Variants in TENM1 observed in about 807,000 individuals in gnomAD.
TENM1 encodes teneurin transmembrane protein 1, also known as teneurin-1.
A neutral mutation model predicts 174.8 loss-of-function variants in TENM1; 35 were observed. The ratio of observed to expected loss-of-function variants is 0.20; its 90% confidence interval spans 0.15 to 0.27. The LOEUF is 0.27. TENM1 is among the 10% of genes least tolerant of loss of function. The pLI is 1.00. For synonymous variants in TENM1, 781 were observed against 798.7 expected (o/e 0.98, Z 0.37); for missense variants, 1,633 against 2,130.1 (o/e 0.77, Z 4.59).
the TENM1 span, among the ~76,000 whole-genome samples, chrX:125,194,899 CTATT>C: frequency 8.9e-6 from 1 of 111,923 alleles, no homozygotes. Flanking sequence ...AAATAACTGA[CTATT>C]TATAAAACTA....
chrX:124,725,290 T>C (rs2053419750), intron 4 of TENM1, among the ~76,000 whole-genome samples: 1 of 111,713 alleles, frequency 9.0e-6, no homozygotes, highest in Admixed American at 9.6e-5. Flanking sequence ...TTTATTTGTT[T>C]TGTTCTCTGT....
the TENM1 span, among the ~76,000 whole-genome samples, chrX:125,037,360 T>C: frequency 9.1e-6 from 1 of 110,367 alleles, no homozygotes; most frequent in Non-Finnish European, 1.9e-5. Flanking sequence ...ATGCAAAACA[T>C]AATAACCTTA....
intron 3 of TENM1, among the ~76,000 whole-genome samples, chrX:124,841,276 T>C (rs1300739608): frequency 6.3e-5 from 7 of 111,965 alleles, no homozygotes; most frequent in Non-Finnish European, 1.3e-4. Context: ...ACACATCATC[T>C]TTTGTCCTTT....
chrX:124,923,732 T>C (rs1346194416), intron 1 of TENM1, among the ~76,000 whole-genome samples: 2 of 112,100 alleles, frequency 1.8e-5, no homozygotes, highest in Admixed American at 9.5e-5. Context: ...AAAGAATGTA[T>C]GACGGGGAAG....
At chrX:124,397,282 T>C (rs1403441971) in intron 27 of TENM1, among the ~76,000 whole-genome samples, 2 of 112,139 alleles carry the variant, frequency 1.8e-5, no homozygotes, top group Non-Finnish European at 3.8e-5. Flanking sequence ...GTTAGAAAAA[T>C]AACATTGTAC....
the TENM1 span, among the ~76,000 whole-genome samples, chrX:125,095,149 C>T: frequency 2.0e-3 from 226 of 111,867 alleles, no homozygotes; most frequent in African/African-American, 6.7e-3. Context: ...TTTTCAGTCT[C>T]AGAACTTGAG....
chrX:124,498,507 G>T (rs979021909), intron 19 of TENM1, among the ~76,000 whole-genome samples: 2 of 110,133 alleles, frequency 1.8e-5, no homozygotes, highest in Admixed American at 9.8e-5. Context: ...CTCTCATCAT[G>T]CTTTCATCTA....
At chrX:124,735,064 G>A (rs956627098) in intron 4 of TENM1, among the ~76,000 whole-genome samples, 1 of 111,933 alleles carries the variant, frequency 8.9e-6, no homozygotes, top group African/African-American at 3.2e-5. Flanking sequence ...GACCTCAAAA[G>A]CAAATGCAAC....
At chrX:124,927,989 C>A (rs756944174) in intron 1 of TENM1, among the ~76,000 whole-genome samples, 57 of 148 alleles carry the variant, frequency 0.39, no homozygotes, top group Admixed American at 0.5. Flanking sequence ...TCAAATCTGA[C>A]AACCAGTGTC....
the TENM1 span, among the ~76,000 whole-genome samples, chrX:125,029,754 A>G: frequency 9.0e-6 from 1 of 111,725 alleles, no homozygotes; most frequent in Non-Finnish European, 1.9e-5. Flanking sequence ...GAAGGCCAAG[A>G]GGAGACTGGC....
chrX:124,686,266 G>C (rs1211535783), intron 5 of TENM1, among the ~76,000 whole-genome samples: 1 of 111,445 alleles, frequency 9.0e-6, no homozygotes, highest in Non-Finnish European at 1.9e-5. Context: ...CTGTTCTTCA[G>C]AAATTCAGGA....
chrX:124,733,502 A>G (rs2053607516), intron 4 of TENM1, among the ~76,000 whole-genome samples: 1 of 112,045 alleles, frequency 8.9e-6, no homozygotes, highest in East Asian at 2.8e-4. Context: ...GCATTTGTAT[A>G]TTCATTTTTA....
At chrX:124,498,556 C>T (rs2047253956) in intron 19 of TENM1, among the ~76,000 whole-genome samples, 1 of 109,404 alleles carries the variant, frequency 9.1e-6, no homozygotes, top group Non-Finnish European at 1.9e-5. Context: ...CTTATGGTTA[C>T]TTTCACCTAC....
chrX:124,759,342 T>A (rs749880682), intron 3 of TENM1, among the ~76,000 whole-genome samples: 2 of 111,607 alleles, frequency 1.8e-5, no homozygotes, highest in South Asian at 7.5e-4. Flanking sequence ...ATTATTTCCA[T>A]AAGCTTTTGG....
At chrX:125,101,301 C>T in the TENM1 span, among the ~76,000 whole-genome samples, 1 of 110,864 alleles carries the variant, frequency 9.0e-6, no homozygotes, top group Non-Finnish European at 1.9e-5. Flanking sequence ...ATTTTTTTTT[C>T]CAAGAGGCAT....
At chrX:124,837,277 C>T (rs1387089121) in intron 3 of TENM1, among the ~76,000 whole-genome samples, 2 of 111,592 alleles carry the variant, frequency 1.8e-5, no homozygotes, top group Non-Finnish European at 3.8e-5. Flanking sequence ...TTAGTAGAGA[C>T]AGGGTTTCAC....
chrX:124,963,557 T>G (rs1356242821), exon 1 of TENM1: 1 of 1,209,443 alleles, frequency 8.3e-7, no homozygotes, highest in Non-Finnish European at 1.1e-6. Context: ...TTTTTCTACT[T>G]CTTTCCTCTT....
At chrX:125,143,498 T>C in the TENM1 span, among the ~76,000 whole-genome samples, 3 of 111,917 alleles carry the variant, frequency 2.7e-5, no homozygotes, top group African/African-American at 9.7e-5. Flanking sequence ...TGGAAACTAA[T>C]GTTAGCTACT....
the TENM1 span, among the ~76,000 whole-genome samples, chrX:124,982,218 T>C: frequency 2.3e-5 from 1 of 43,764 alleles, no homozygotes; most frequent in Non-Finnish European, 3.7e-5. Context: ...ATGTACTAAG[T>C]AGTTTTTGAA....
Sources: allele counts gnomAD v4.1 joint callset (sites outside exome capture counted in the v4.1 genomes callset), GRCh38; gene constraint gnomAD v4.1.1; transcripts MANE v1.5; gene names NCBI Gene and HGNC (gene_info 2026-07-23, HGNC 2026-07-21).